Variants in MED27 observed in about 807,000 individuals in gnomAD.
The protein encoded by MED27 is mediator complex subunit 27.
A neutral mutation model predicts 38.2 loss-of-function variants in MED27; 30 were observed. That is an observed-to-expected ratio of 0.79 (90% CI 0.59 to 1.07). MED27 has a LOEUF of 1.07. MED27 is among the 50% of genes least tolerant of loss of function. The probability of loss-of-function intolerance (pLI) is 0.00; values close to 1 mark genes in which losing one functional copy is unlikely to be tolerated. For missense variants in MED27, 289 were observed against 397.5 expected (o/e 0.73, Z 2.32); for synonymous variants, 122 against 153.5 (o/e 0.79, Z 1.52).
At chr9:131,979,104 G>A (rs1334632057) in intron 3 of MED27, among the ~76,000 whole-genome samples, 2 of 152,210 alleles carry the variant, frequency 1.3e-5, no homozygotes, top group African/African-American at 4.8e-5. Context: ...CCGCAGAGAT[G>A]ATGGGTGTCA....
At chr9:131,900,258 C>T (rs887589956) in intron 4 of MED27, among the ~76,000 whole-genome samples, 2 of 152,234 alleles carry the variant, frequency 1.3e-5, no homozygotes, top group Non-Finnish European at 2.9e-5. Flanking sequence ...CTCTGGGCAG[C>T]GAGCGGGGGC....
rs113489590 is a variant in MED27 at position 131,998,911 on chromosome 9, C to CA, written c.479+15425dup. On this transcript the variant is annotated intron_variant, in intron 3 of 7. Transcript: ENST00000292035. ...TTTTTTCCACAGTGCCCAAGTCCAC[C>CA]AAAAAAAAAAAAATCTAAATCTATT... Among the ~76,000 whole-genome samples the CA allele has an allele frequency of 2.1e-3, 288 of 137,734 alleles. 1 individual carries two copies. The highest frequency in any genetic ancestry group is 3.5e-3 in the Admixed American group (49 of 13,838). The allele number at this position is 137,734 out of a possible 152,430, so 90.4% of individuals were successfully genotyped here.
chr9:131,961,321 C>T (rs1216286288), intron 3 of MED27, among the ~76,000 whole-genome samples: 1 of 152,184 alleles, frequency 6.6e-6, no homozygotes, highest in African/African-American at 2.4e-5. Flanking sequence ...GTCTGGGCGG[C>T]GGCTCTGGGT....
chr9:131,919,313 G>A (rs1428770008), intron 4 of MED27, among the ~76,000 whole-genome samples: 2 of 152,186 alleles, frequency 1.3e-5, no homozygotes, highest in Non-Finnish European at 2.9e-5. Flanking sequence ...ATTTGAGGCA[G>A]TTCTCAGCCT....
At chr9:131,959,419 A>C (rs1423378894) in intron 3 of MED27, among the ~76,000 whole-genome samples, 1 of 152,026 alleles carries the variant, frequency 6.6e-6, no homozygotes, top group African/African-American at 2.4e-5. Context: ...TTTCTCCACC[A>C]CCTCACCTTA....
intron 4 of MED27, among the ~76,000 whole-genome samples, chr9:131,901,159 C>T (rs563637458): frequency 2.6e-5 from 4 of 152,050 alleles, no homozygotes; most frequent in Non-Finnish European, 5.9e-5. Flanking sequence ...GGCGGGCACA[C>T]CCAAAGGAGA....
chr9:131,938,522 C>A (rs922049979), intron 4 of MED27, among the ~76,000 whole-genome samples: 7 of 152,154 alleles, frequency 4.6e-5, no homozygotes, highest in Non-Finnish European at 1.5e-5. Context: ...GCATTTCTAT[C>A]CCACTGTATT....
chr9:131,863,719 C>T (rs1055293596), intron 6 of MED27, among the ~76,000 whole-genome samples: 1 of 152,156 alleles, frequency 6.6e-6, no homozygotes, highest in African/African-American at 2.4e-5. Flanking sequence ...TTCTGTTGGG[C>T]CTCACCGTTG....
At chr9:131,952,364 G>A (rs1831014758) in intron 3 of MED27, among the ~76,000 whole-genome samples, 2 of 152,216 alleles carry the variant, frequency 1.3e-5, no homozygotes, top group Admixed American at 6.5e-5. Flanking sequence ...ATGGACTGGG[G>A]GGAAGCAGAA....
chr9:131,902,345 A>G (rs971822429), intron 4 of MED27, among the ~76,000 whole-genome samples: 2 of 152,116 alleles, frequency 1.3e-5, no homozygotes, highest in Non-Finnish European at 2.9e-5. Context: ...GGATGAGGGA[A>G]ACTGGCTGTT....
intron 6 of MED27, among the ~76,000 whole-genome samples, chr9:131,877,497 A>G (rs1006389549): frequency 1.3e-5 from 2 of 152,100 alleles, no homozygotes; most frequent in African/African-American, 4.8e-5. Flanking sequence ...AATTGCTTGA[A>G]CTTGGGAGGT....
intron 2 of MED27, among the ~76,000 whole-genome samples, chr9:132,033,498 C>T (rs543572753): frequency 3.3e-5 from 5 of 152,198 alleles, no homozygotes; most frequent in East Asian, 3.9e-4. Flanking sequence ...AAGTACCACC[C>T]GCCTCCCCTT....
At chr9:132,077,641 A>G in intron 1 of MED27, 55 bp from the exon 2 acceptor site, 2 of 1,588,676 alleles carry the variant, frequency 1.3e-6, no homozygotes, top group Non-Finnish European at 1.7e-6. Flanking sequence ...ACTCCAGGGT[A>G]AAGCCAGCCC....
chr9:131,869,124 A>C, intron 6 of MED27: 1 of 985,388 alleles, frequency 1.0e-6, no homozygotes, highest in African/African-American at 1.7e-5. Flanking sequence ...TGATTTCTTC[A>C]ATTTCCCACC....
At chr9:132,074,110 G>A (rs970147432) in intron 2 of MED27, among the ~76,000 whole-genome samples, 2 of 152,100 alleles carry the variant, frequency 1.3e-5, no homozygotes, top group African/African-American at 4.8e-5. Context: ...ATTATTTTTT[G>A]CCCTAGTCAA....
At chr9:131,877,874 T>A (rs553945079) in intron 6 of MED27, among the ~76,000 whole-genome samples, 2 of 152,204 alleles carry the variant, frequency 1.3e-5, no homozygotes, top group East Asian at 3.9e-4. Flanking sequence ...GAGAACTGAG[T>A]CTTCTAGGGC....
chr9:131,869,635 G>C (rs1838796210), intron 6 of MED27, among the ~76,000 whole-genome samples: 1 of 152,212 alleles, frequency 6.6e-6, no homozygotes, highest in South Asian at 2.1e-4. Flanking sequence ...CAAGGAAAGG[G>C]AGGGAGGAGA....
intron 3 of MED27, among the ~76,000 whole-genome samples, chr9:131,963,107 A>G (rs1178926052): frequency 2.0e-5 from 3 of 152,204 alleles, no homozygotes; most frequent in African/African-American, 7.2e-5. Context: ...CATAATGTTC[A>G]GCTAAACTAT....
At chr9:132,036,588 T>TG (rs1336502437) in intron 2 of MED27, among the ~76,000 whole-genome samples, 1 of 152,226 alleles carries the variant, frequency 6.6e-6, no homozygotes, top group Non-Finnish European at 1.5e-5. Context: ...GAAAAGAGCA[T>TG]GGCTCTACCA....
Sources: gnomAD v4.1 joint callset for allele counts (sites outside exome capture counted in the v4.1 genomes callset) on GRCh38, gnomAD v4.1.1 for gene constraint, MANE v1.5 for transcripts, NCBI Gene and HGNC (gene_info 2026-07-23, HGNC 2026-07-21) for gene names.